The following HMGB1 variants were observed in gnomAD, a reference collection of about 807,000 sequenced individuals.
The protein encoded by HMGB1 is high mobility group protein B1.
For missense variants in HMGB1, 79 were observed against 253.5 expected (o/e 0.31, Z 4.67); for synonymous variants, 81 against 84.0 (o/e 0.96, Z 0.19).
intron 1 of HMGB1, among the ~76,000 whole-genome samples, chr13:30,565,876 G>C (rs1870165328): frequency 6.6e-6 from 1 of 152,178 alleles, no homozygotes; most frequent in African/African-American, 2.4e-5. Context: ...AGCAGGTTTG[G>C]GCACTGTGGT....
At chr13:30,471,816 G>A (rs1322238229) in intron 1 of HMGB1, among the ~76,000 whole-genome samples, 2 of 151,094 alleles carry the variant, frequency 1.3e-5, no homozygotes, top group Non-Finnish European at 1.5e-5. Context: ...TTACAGGCAC[G>A]CACCACCACG....
chr13:30,575,082 A>G (rs1019002997), intron 1 of HMGB1, among the ~76,000 whole-genome samples: 2 of 152,214 alleles, frequency 1.3e-5, no homozygotes, highest in East Asian at 1.9e-4. Flanking sequence ...CATGGTGTGC[A>G]TATGTTTATT....
At chr13:30,513,358 C>A (rs930975480) in intron 1 of HMGB1, among the ~76,000 whole-genome samples, 1 of 152,190 alleles carries the variant, frequency 6.6e-6, no homozygotes, top group Non-Finnish European at 1.5e-5. Context: ...GAGTCCTCTG[C>A]TTCAGGAAGT....
chr13:30,536,498 T>C (rs984112531), intron 1 of HMGB1, among the ~76,000 whole-genome samples: 4 of 152,176 alleles, frequency 2.6e-5, no homozygotes, highest in Non-Finnish European at 5.9e-5. Context: ...TATAGGCACA[T>C]GCCACCACAC....
chr13:30,464,798 T>C (rs1456224228), intron 1 of HMGB1: 2 of 188,824 alleles, frequency 1.1e-5, no homozygotes, highest in African/African-American at 5.0e-5. Flanking sequence ...TATGAGAGAG[T>C]GTGTGAGTGC....
At chr13:30,531,288 C>G (rs1039110465) in intron 1 of HMGB1, among the ~76,000 whole-genome samples, 2 of 151,988 alleles carry the variant, frequency 1.3e-5, no homozygotes, top group Non-Finnish European at 2.9e-5. Flanking sequence ...GTGCCCCGAG[C>G]CTGCTGATTA....
upstream of HMGB1, among the ~76,000 whole-genome samples, chr13:30,470,013 A>T (rs1203317843): frequency 2.7e-5 from 4 of 150,548 alleles, no homozygotes; most frequent in African/African-American, 4.9e-5. Flanking sequence ...CATGGGCTCA[A>T]GTGATCCTCC....
At chr13:30,600,095 A>C (rs1950384702) in intron 1 of HMGB1, among the ~76,000 whole-genome samples, 3 of 152,260 alleles carry the variant, frequency 2.0e-5, no homozygotes. Context: ...GATAGACCAC[A>C]AAGAGTACCA....
At chr13:30,616,610 C>T (rs748903077) in intron 1 of HMGB1, 2 of 152,138 alleles carry the variant, frequency 1.3e-5, no homozygotes, top group South Asian at 2.1e-4. Context: ...CTAGCTAGAT[C>T]TTAAATATAC....
At chr13:30,577,713 A>G (rs1870719906) in intron 1 of HMGB1, among the ~76,000 whole-genome samples, 1 of 152,244 alleles carries the variant, frequency 6.6e-6, no homozygotes, top group South Asian at 2.1e-4. Flanking sequence ...TCCCTGTGAA[A>G]TGAGGCTAAT....
intron 1 of HMGB1, among the ~76,000 whole-genome samples, chr13:30,563,300 T>C (rs1870041866): frequency 6.6e-6 from 1 of 152,184 alleles, no homozygotes. Context: ...TAACATTGCT[T>C]GGCTATTATT....
chr13:30,595,423 G>A (rs1871563924), intron 1 of HMGB1, among the ~76,000 whole-genome samples: 1 of 152,152 alleles, frequency 6.6e-6, no homozygotes, highest in South Asian at 2.1e-4. Flanking sequence ...ACAAAAATGA[G>A]TTCAGACACA....
intron 1 of HMGB1, among the ~76,000 whole-genome samples, chr13:30,569,350 G>A (rs1457001291): frequency 1.3e-5 from 2 of 152,158 alleles, no homozygotes; most frequent in Admixed American, 6.5e-5. Context: ...TAGAGATTAT[G>A]TCTTTATATC....
In HMGB1 at chr13:30,464,139, G is replaced by C. The variant is rs948337430; in HGVS notation, c.-14-445C>G. On this transcript the variant is annotated intron_variant, in intron 1 of 4. Transcript: ENST00000341423. ...GCGAGTCGACTCTTCCTAATTATGG[G>C]ACCTTAAAAAAAAAAAATCACCGTG... 38 of 849,514 alleles carry C rather than the reference G, an allele frequency of 4.5e-5. No individual in the cohort carries two copies. In the African/African-American group the frequency reaches 1.4e-3, roughly 31 times the overall value. 52.6% of individuals were successfully genotyped at this position (849,514 alleles called of 1,614,324 possible).
chr13:30,552,505 C>A (rs768341204), intron 1 of HMGB1, among the ~76,000 whole-genome samples: 17 of 152,166 alleles, frequency 1.1e-4, no homozygotes, highest in Admixed American at 2.0e-4. Context: ...CCCCACACCC[C>A]CTCTCTGTCC....
At chr13:30,552,260 G>T (rs779921489) in intron 1 of HMGB1, among the ~76,000 whole-genome samples, 8 of 152,084 alleles carry the variant, frequency 5.3e-5, no homozygotes, top group Non-Finnish European at 1.2e-4. Flanking sequence ...TTACTTTGCT[G>T]AATCATTTGA....
intron 1 of HMGB1, among the ~76,000 whole-genome samples, chr13:30,555,321 G>A (rs530629885): frequency 3.9e-5 from 6 of 152,160 alleles, no homozygotes; most frequent in Admixed American, 6.5e-5. Context: ...GATTACAGGC[G>A]TGAGCCACCG....
At chr13:30,532,711 G>A (rs1187881764) in intron 1 of HMGB1, among the ~76,000 whole-genome samples, 2 of 152,106 alleles carry the variant, frequency 1.3e-5, no homozygotes, top group African/African-American at 4.8e-5. Flanking sequence ...GTTTCGCCAT[G>A]TTAGCTAGGC....
chr13:30,548,344 G>A (rs563085838), intron 1 of HMGB1, among the ~76,000 whole-genome samples: 58 of 152,110 alleles, frequency 3.8e-4, no homozygotes, highest in Non-Finnish European at 7.7e-4. Flanking sequence ...CACCACGATT[G>A]TAAGTTTCCT....
Sources: allele counts gnomAD v4.1 joint callset (sites outside exome capture counted in the v4.1 genomes callset), GRCh38; gene constraint gnomAD v4.1.1; transcripts MANE v1.5; gene names NCBI Gene and HGNC (gene_info 2026-07-23, HGNC 2026-07-21).